The following FER variants were observed in gnomAD, a reference collection of about 807,000 sequenced individuals.
The protein encoded by FER is FER tyrosine kinase.
A neutral mutation model predicts 111.0 loss-of-function variants in FER; 63 were observed. The observed-to-expected ratio is 0.57, with a 90% CI of 0.46 to 0.70. The LOEUF (loss-of-function observed/expected upper bound fraction) is 0.70, where lower values mean the gene tolerates loss of function less well. FER is among the 30% of genes least tolerant of loss of function. The pLI, the probability that FER is intolerant of heterozygous loss-of-function variation, is 0.00. For synonymous variants in FER, 327 were observed against 313.9 expected (o/e 1.04, Z -0.44); for missense variants, 914 against 954.0 (o/e 0.96, Z 0.55).
At chr5:108,934,011 G>A (rs149378352) in intron 10 of FER, among the ~76,000 whole-genome samples, 19 of 152,150 alleles carry the variant, frequency 1.2e-4, no homozygotes, top group East Asian at 1.9e-4. Context: ...AGACGATGGC[G>A]TTTTCTAAAA....
chr5:108,844,990 GTGTGTGTATA>G (rs1264070570), intron 5 of FER, among the ~76,000 whole-genome samples: 99 of 41,734 alleles, frequency 2.4e-3, no homozygotes, highest in South Asian at 6.0e-3. Flanking sequence ...GCTGGTGTGT[GTGTGTGTATA>G]TATATATATA....
chr5:109,097,464 T>C (rs913232921), intron 16 of FER, among the ~76,000 whole-genome samples: 2 of 151,962 alleles, frequency 1.3e-5, no homozygotes, highest in Admixed American at 1.3e-4. Context: ...TCAGGTAGGA[T>C]ACTGTATGCT....
chr5:109,046,945 G>A (rs907575395), intron 15 of FER, among the ~76,000 whole-genome samples, 159 bp from the exon 16 acceptor site: 7 of 151,994 alleles, frequency 4.6e-5, no homozygotes, highest in African/African-American at 1.2e-4. Context: ...GGCTTTACTC[G>A]TTTGTATACA....
chr5:109,142,161 A>G (rs909962753), intron 17 of FER, among the ~76,000 whole-genome samples: 1 of 152,196 alleles, frequency 6.6e-6, no homozygotes, highest in Non-Finnish European at 1.5e-5. Context: ...GAGGATACAG[A>G]GACTGCCATA....
At chr5:108,888,830 AT>A (rs1747575469) in intron 9 of FER, among the ~76,000 whole-genome samples, 1 of 151,922 alleles carries the variant, frequency 6.6e-6, no homozygotes, top group Admixed American at 6.6e-5. Flanking sequence ...AATTTTTCTA[AT>A]TGATTTCATG....
At chr5:109,162,182 G>A (rs1472754251) in intron 17 of FER, among the ~76,000 whole-genome samples, 2 of 151,188 alleles carry the variant, frequency 1.3e-5, no homozygotes, top group Non-Finnish European at 2.9e-5. Context: ...AGTCATTTTT[G>A]TACTGTTAAT....
intron 17 of FER, among the ~76,000 whole-genome samples, chr5:109,157,798 G>A (rs1347648616): frequency 6.6e-6 from 1 of 152,044 alleles, no homozygotes; most frequent in Non-Finnish European, 1.5e-5. Context: ...CATTTATTCA[G>A]CAAACATGTA....
At position 108,959,269 on chromosome 5, in the gene FER, A is replaced by G; in HGVS notation, c.1578A>G (p.Gln526=). ...GCACTGGGTTTTCAAACATTCCTCAACTTATAGATCATCACTATACAACAA... is the reference window on the plus strand; with the variant it reads ...GCACTGGGTTTTCAAACATTCCTCAGCTTATAGATCATCACTATACAACAA... ...FEGTGFSNIP[Q]LIDHHYTTKQ... is the part of the protein sequence containing the mutation. Residue 526 remains glutamine (Q), a synonymous_variant, in exon 13 of 20, where the codon CAA becomes CAG. Transcript: ENST00000281092. 6.2e-7 allele frequency: 1 copy of G among 1,612,048 alleles called. No homozygotes were observed.
intron 10 of FER, among the ~76,000 whole-genome samples, chr5:108,911,638 G>A (rs1751561395): frequency 6.6e-6 from 1 of 152,172 alleles, no homozygotes; most frequent in African/African-American, 2.4e-5. Context: ...GTTAATTTTT[G>A]TATATGGTGA....
At chr5:109,007,762 C>A (rs1765686517) in intron 13 of FER, among the ~76,000 whole-genome samples, 1 of 152,046 alleles carries the variant, frequency 6.6e-6, no homozygotes, top group Non-Finnish European at 1.5e-5. Context: ...TTTCATTTAT[C>A]GAGTATATAC....
chr5:108,786,599 C>T (rs1754748341), intron 2 of FER, among the ~76,000 whole-genome samples: 1 of 152,214 alleles, frequency 6.6e-6, no homozygotes, highest in South Asian at 2.1e-4. Context: ...CTCCCGGGTT[C>T]AAGTCATTCT....
chr5:108,952,457 C>T (rs1272359906), intron 11 of FER, among the ~76,000 whole-genome samples: 2 of 145,184 alleles, frequency 1.4e-5, no homozygotes, highest in African/African-American at 4.9e-5. Context: ...ATATGTGTGA[C>T]TTTTCCCTGT....
intron 16 of FER, among the ~76,000 whole-genome samples, chr5:109,086,626 C>A (rs1777595494): frequency 6.6e-6 from 1 of 151,228 alleles, no homozygotes; most frequent in Non-Finnish European, 1.5e-5. Flanking sequence ...ATTTTCATTC[C>A]TATCCTTTTC....
At chr5:109,002,638 T>C (rs562653867) in intron 13 of FER, among the ~76,000 whole-genome samples, 1 of 152,142 alleles carries the variant, frequency 6.6e-6, no homozygotes, top group East Asian at 1.9e-4. Context: ...CTAATGAAAC[T>C]AAAAACTTCT....
intron 9 of FER, among the ~76,000 whole-genome samples, chr5:108,893,757 C>G (rs1440607849): frequency 6.6e-6 from 1 of 151,930 alleles, no homozygotes; most frequent in Non-Finnish European, 1.5e-5. Flanking sequence ...AAAAAAAGGC[C>G]TTATGGTCAT....
At chr5:108,907,220 C>CT (rs1028225489) in intron 10 of FER, among the ~76,000 whole-genome samples, 4 of 151,804 alleles carry the variant, frequency 2.6e-5, no homozygotes, top group South Asian at 2.1e-4. Flanking sequence ...CTTTTTCCCT[C>CT]TTTTTTTTGT....
intron 10 of FER, chr5:108,924,536 T>G (rs926708863): frequency 1.8e-6 from 2 of 1,087,354 alleles, no homozygotes; most frequent in Admixed American, 8.6e-5. Context: ...CAGGGGGAGA[T>G]AGTATGAAAT....
chr5:108,957,596 A>C (rs1758596641), intron 12 of FER, among the ~76,000 whole-genome samples: 1 of 151,642 alleles, frequency 6.6e-6, no homozygotes, highest in Non-Finnish European at 1.5e-5. Flanking sequence ...CAATCCCACT[A>C]CTGGGTATTT....
chr5:109,139,894 A>T (rs1247127755), intron 17 of FER, among the ~76,000 whole-genome samples: 8 of 150,056 alleles, frequency 5.3e-5, no homozygotes, highest in Admixed American at 3.3e-4. Flanking sequence ...GGATTGCAAT[A>T]AAAAAAAATA....
Sources: allele counts gnomAD v4.1 joint callset (sites outside exome capture counted in the v4.1 genomes callset), GRCh38; gene constraint gnomAD v4.1.1; transcripts MANE v1.5; gene names NCBI Gene and HGNC (gene_info 2026-07-23, HGNC 2026-07-21).